The following IRF4 variants were observed in gnomAD, a reference collection of about 807,000 sequenced individuals.
IRF4 encodes the protein lymphocyte-specific interferon regulatory factor.
IRF4 carries 13 observed loss-of-function variants against 55.5 expected under a neutral mutation model. That is an observed-to-expected ratio of 0.23 (90% CI 0.15 to 0.37). The LOEUF is 0.37. Among genes scored for constraint, IRF4 ranks in the 10% least tolerant of loss-of-function variants. The probability of loss-of-function intolerance (pLI) is 1.00; values close to 1 mark genes in which losing one functional copy is unlikely to be tolerated. For synonymous variants in IRF4, 249 were observed against 240.7 expected (o/e 1.03, Z -0.32); for missense variants, 397 against 593.8 (o/e 0.67, Z 3.44).
At chr6:399,501 C>CT (rs1399611148) in intron 6 of IRF4, among the ~76,000 whole-genome samples, 1 of 19,182 alleles carries the variant, frequency 5.2e-5, no homozygotes. Context: ...AGTTTTATTT[C>CT]TAAAAAAAAA....
Position 393,038 on chromosome 6 carries a change from C to G in IRF4, c.-55-60C>G. On this transcript the variant is annotated intron_variant, in intron 1 of 8. Coordinates refer to ENST00000380956, the MANE Select transcript of IRF4 (RefSeq NM_002460.4). This position sits in a 1 kb window ranked among gnomAD's most constrained non-coding sequence, Gnocchi z 5.4. ...CCTCGTGGTCACTGGCGCAGGGGAT[C>G]GGGGCGGGGTGCCCGGAGTGCGGTG... The G allele has an allele frequency of 1.0e-6, 1 of 961,468 alleles. No individual in the cohort carries two copies. Among genetic ancestry groups the G allele is most frequent in the African/African-American group, 1.7e-5 (1 of 59,706 alleles). The allele number at this position is 961,468 out of a possible 1,614,324, so 59.6% of individuals were successfully genotyped here. A position where few individuals can be genotyped will look rare whatever the true frequency, so the allele number is the denominator to read the frequency against.
rs1161637220 is a variant in IRF4, at chr6:393,102, G to A, written c.-51G>A. ...GGGCAGCTCTTCTCCCCGCAGTGCA[G>A]AGCAGAGCGGGCGGAGGACCCCGGG... On this transcript the variant is annotated 5_prime_UTR_variant, in exon 2 of 9. Coordinates refer to ENST00000380956, the MANE Select transcript of IRF4 (RefSeq NM_002460.4). This position sits in a 1 kb window ranked among gnomAD's most constrained non-coding sequence, Gnocchi z 5.4. 6.7e-7 allele frequency: 1 copy of A among 1,502,416 alleles called. No homozygotes were observed. The highest frequency in any genetic ancestry group is 9.0e-7 in the Non-Finnish European group (1 of 1,109,624). 93.1% of individuals were successfully genotyped at this position (1,502,416 alleles called of 1,614,324 possible).
At chr6:406,991 C>A in intron 8 of IRF4, 1 of 791,266 alleles carries the variant, frequency 1.3e-6, no homozygotes, top group Non-Finnish European at 1.6e-6. Flanking sequence ...TGTTGTTTAA[C>A]TTTACTTTTT....
intron 2 of IRF4, 95 bp from the exon 3 acceptor site, chr6:394,726 G>T: frequency 3.3e-6 from 4 of 1,207,596 alleles, no homozygotes; most frequent in Non-Finnish European, 4.7e-6. Context: ...CTGTACTCTA[G>T]CCTGGGCAGC....
At chr6:397,579 G>A (rs918529152) in intron 5 of IRF4, 9 of 263,038 alleles carry the variant, frequency 3.4e-5, no homozygotes, top group Non-Finnish European at 1.4e-5. Flanking sequence ...AAGTAGGGAT[G>A]CTGGGAGATT....
chr6:394,716 C>A, intron 2 of IRF4, 105 bp from the exon 3 acceptor site: 1 of 1,082,500 alleles, frequency 9.2e-7, no homozygotes, highest in Non-Finnish European at 1.3e-6. Context: ...CATCGTGCCA[C>A]TGTACTCTAG....
At chr6:395,958 C>T (rs374802152) in intron 4 of IRF4, 23 bp downstream of exon 4, 25 of 1,583,878 alleles carry the variant, frequency 1.6e-5, no homozygotes, top group Non-Finnish European at 1.9e-5. Flanking sequence ...GCACTGGGCT[C>T]CCTGAGGGCG....
chr6:397,548 T>G, intron 5 of IRF4: 1 of 311,822 alleles, frequency 3.2e-6, no homozygotes, highest in Non-Finnish European at 5.9e-6. Flanking sequence ...AGAGAGGAGA[T>G]TGTGGAAGCT....
chr6:392,442 C>G (rs1761130878), intron 1 of IRF4, among the ~76,000 whole-genome samples: 1 of 152,284 alleles, frequency 6.6e-6, no homozygotes, highest in African/African-American at 2.4e-5. Context: ...GTCCGGCGGA[C>G]GCTCTGCGCG....
chr6:395,841 A>G lies in IRF4; in HGVS notation c.404-6A>G. ...TGTGCCATTTCCCTTTTCCCCAAACATGTAGGAGCCAAGCAGCTCACCCTG... is the reference window on the plus strand; with the variant it reads ...TGTGCCATTTCCCTTTTCCCCAAACGTGTAGGAGCCAAGCAGCTCACCCTG... On this transcript the variant is annotated splice_polypyrimidine_tract_variant and splice_region_variant and intron_variant, in intron 3 of 8. Transcript: ENST00000380956. 1.9e-6 allele frequency: 3 copies of G among 1,611,584 alleles called. No individual in the cohort carries two copies. The highest frequency in any genetic ancestry group is 2.5e-6 in the Non-Finnish European group (3 of 1,178,320).
chr6:410,886 A>G lies in IRF4; in HGVS notation c.*3288A>G, dbSNP rs1400230590. 4.3e-6 allele frequency: 1 copy of G among 232,660 alleles called. No individual in the cohort carries two copies. Among genetic ancestry groups the G allele is most frequent in the East Asian group, 6.0e-5 (1 of 16,660 alleles). 14.4% of individuals were successfully genotyped at this position (232,660 alleles called of 1,614,324 possible). ...GTGCGTGAAGGCTCTCAGACCTTAC[A>G]CACCATTTTGTAAGTTATGTTTTAC... On this transcript the variant is annotated 3_prime_UTR_variant, in exon 9 of 9. Transcript: ENST00000380956.
In IRF4 at chr6:395,895, C is replaced by T; in HGVS notation, c.452C>T (p.Pro151Leu). The change falls in exon 4 of 9, where the codon CCC becomes CTC. Residue 151 changes from proline (P) to leucine (L), a missense_variant. Transcript: ENST00000380956. ...LEDPQMSMSH[P>L]YTMTTPYPSL... ...GACCCGCAGATGTCCATGAGCCACC[C>T]CTACACCATGACAACGCCTTACCCT... is the stretch of plus-strand genomic sequence containing the variant. 1 of 1,613,922 alleles carries T rather than the reference C, an allele frequency of 6.2e-7. No homozygotes were observed. The highest frequency in any genetic ancestry group is 8.5e-7 in the Non-Finnish European group (1 of 1,179,898).
intron 8 of IRF4, 59 bp from the exon 9 acceptor site, chr6:407,396 T>G (rs1761572411): frequency 1.3e-6 from 2 of 1,497,462 alleles, no homozygotes; most frequent in Non-Finnish European, 1.8e-6. Context: ...GAGTGCTGTT[T>G]AATAGTGAGC....
rs2292383 is a variant in IRF4, at chr6:402,087, T to C, written c.1099+310T>C. The stretch of plus-strand genomic sequence containing the variant: ...ATCTCGACAAATACGTCTGCTGATG[T>C]GGCGGCTCTTTTCAGGTTCCCAGAA... On this transcript the variant is annotated intron_variant, in intron 7 of 8. Transcript: ENST00000380956. 0.078 allele frequency among the ~76,000 whole-genome samples: 11,897 copies of C among 152,236 alleles called. 559 individuals carry two copies. Among genetic ancestry groups the C allele is most frequent in the African/African-American group, 0.12 (5,038 of 41,532 alleles).
intron 1 of IRF4, 74 bp downstream of exon 1, chr6:391,883 T>C (rs1362657244): frequency 2.2e-6 from 1 of 452,320 alleles, no homozygotes; most frequent in Non-Finnish European, 4.4e-6. Context: ...GAACCAGAGG[T>C]TCGACCTCCA....
chr6:393,198 G>T lies in IRF4; in HGVS notation c.46G>T (p.Ala16Ser). Residue 16 changes from alanine (A) to serine (S), a missense_variant, in exon 2 of 9, where the codon GCG becomes TCG. Physicochemically the swap from Ala to Ser is moderately conservative, Grantham distance 99. Transcript: ENST00000380956. This position sits in a 1 kb window ranked among gnomAD's most constrained non-coding sequence, Gnocchi z 5.4. ...CCGAGGCGGAGAGTTCGGCATGAGC[G>T]CGGTGAGCTGCGGCAACGGGAAGCT... ...GGRGGEFGMS[A>S]VSCGNGKLRQ... is the part of the protein sequence containing the mutation. 6.4e-7 allele frequency: 1 copy of T among 1,556,958 alleles called. No individual in the cohort carries two copies. The highest frequency in any genetic ancestry group is 1.2e-5 in the South Asian group (1 of 84,500).
At chr6:400,708 ATGTGT>A (rs1240485874) in intron 6 of IRF4, among the ~76,000 whole-genome samples, 1 of 152,112 alleles carries the variant, frequency 6.6e-6, no homozygotes, top group African/African-American at 2.4e-5. Flanking sequence ...TTACCCTTTA[ATGTGT>A]GTATGTGAGT....
chr6:408,714 C>T lies in IRF4; in HGVS notation c.*1116C>T. On this transcript the variant is annotated 3_prime_UTR_variant, in exon 9 of 9. Coordinates refer to ENST00000380956, the MANE Select transcript of IRF4 (RefSeq NM_002460.4). ...ACGCTCCTCTGTTTGTTTGGCTGTC[C>T]AGCGATCAGCCATGGCGACACTAAA... 4.3e-6 allele frequency: 1 copy of T among 231,084 alleles called. No homozygotes were observed. The allele number at this position is 231,084 out of a possible 1,614,324, so 14.3% of individuals were successfully genotyped here. A position where few individuals can be genotyped will look rare whatever the true frequency, so the allele number is the denominator to read the frequency against.
At chr6:403,069 G>C (rs940818401) in intron 7 of IRF4, among the ~76,000 whole-genome samples, 1 of 152,252 alleles carries the variant, frequency 6.6e-6, no homozygotes, top group African/African-American at 2.4e-5. Flanking sequence ...AGCTCACACA[G>C]AGGCTGACCA....
Sources: gnomAD v4.1 joint callset for allele counts (sites outside exome capture counted in the v4.1 genomes callset) on GRCh38, gnomAD v4.1.1 for gene constraint, Gnocchi (gnomAD v3.1) non-coding constraint, MANE v1.5 for transcripts, NCBI Gene and HGNC (gene_info 2026-07-23, HGNC 2026-07-21) for gene names.